PHLPP1: variants seen among roughly 807,000 people sequenced by gnomAD.
PHLPP1 encodes PH domain leucine-rich repeat-containing protein phosphatase 1.
PHLPP1 carries 42 observed loss-of-function variants against 117.2 expected under a neutral mutation model. That is an observed-to-expected ratio of 0.36 (90% CI 0.28 to 0.46). The LOEUF (loss-of-function observed/expected upper bound fraction) is 0.46. Among genes scored for constraint, PHLPP1 ranks in the 20% least tolerant of loss-of-function variants. PHLPP1 has a pLI of 1.00. For missense variants in PHLPP1, 2,084 were observed against 2,241.9 expected (o/e 0.93, Z 1.42); for synonymous variants, 1,042 against 970.7 (o/e 1.07, Z -1.37).
Position 62,912,314 on chromosome 18 carries a change from A to T in PHLPP1, c.2709-2599A>T, listed in dbSNP as rs948055411. 1.7e-3 allele frequency among the ~76,000 whole-genome samples: 208 copies of T among 122,326 alleles called. 1 individual carries two copies. Among genetic ancestry groups the T allele is most frequent in the African/African-American group, 4.6e-3 (170 of 36,730 alleles). 80.3% of individuals were successfully genotyped at this position (122,326 alleles called of 152,430 possible). On this transcript the variant is annotated intron_variant, in intron 8 of 16. Transcript: ENST00000262719. ...ACTTAGAGTATAATAAAAAAAAAAA[A>T]TTAAAAAAAAAATAATAAAAAACCT...
In PHLPP1 at chr18:62,849,832, A is replaced by ATATAT. The variant is rs747097979; in HGVS notation, c.1900-10603_1900-10602insTATAT. On this transcript the variant is annotated intron_variant, in intron 3 of 16. Transcript: ENST00000262719. ...AAAAAAAAAAAAAAAAAAAAAAAAA[A>ATATAT]ATATATATATCCTTTAAAGTTTAGT... 7.9e-3 allele frequency among the ~76,000 whole-genome samples: 260 copies of ATATAT among 33,070 alleles called. 37 individuals are homozygous for ATATAT. The highest frequency in any genetic ancestry group is 0.01 in the Non-Finnish European group (198 of 19,016). The allele number at this position is 33,070 out of a possible 152,430, so 21.7% of individuals were successfully genotyped here.
intron 1 of PHLPP1, among the ~76,000 whole-genome samples, chr18:62,723,686 G>A (rs1910987405): frequency 1.3e-5 from 2 of 152,102 alleles, no homozygotes; most frequent in Admixed American, 1.3e-4. Context: ...GGTGGGGGTT[G>A]GGTCAAAGTC....
chr18:62,721,625 A>G (rs1466542231), intron 1 of PHLPP1, among the ~76,000 whole-genome samples: 3 of 152,180 alleles, frequency 2.0e-5, no homozygotes, highest in Non-Finnish European at 2.9e-5. Flanking sequence ...TTCATGTTAT[A>G]TAGTGCTAGA....
chr18:62,929,443 GA>G (rs1909742936), intron 10 of PHLPP1, among the ~76,000 whole-genome samples: 1 of 152,142 alleles, frequency 6.6e-6, no homozygotes, highest in Non-Finnish European at 1.5e-5. Flanking sequence ...TACCATGCTG[GA>G]GAGTGAAGAC....
rs191382947 is a variant in PHLPP1 at position 62,742,759 on chromosome 18, A to G, written c.1576+25500A>G. Among the ~76,000 whole-genome samples, 39 of 152,092 alleles carry G rather than the reference A, an allele frequency of 2.6e-4. No homozygotes were observed. In the East Asian group the frequency reaches 5.2e-3, roughly 20 times the overall value. On this transcript the variant is annotated intron_variant, in intron 1 of 16. Transcript: ENST00000262719. ...TTTTAAAATTTTTATCGGAAGCTCT[A>G]TTTTACTCTGTTTCTGCCCCATCCC...
intron 14 of PHLPP1, among the ~76,000 whole-genome samples, chr18:62,965,620 G>A (rs1028871356): frequency 2.7e-5 from 4 of 150,922 alleles, no homozygotes; most frequent in African/African-American, 7.3e-5. Context: ...CACCATGCCC[G>A]ACTAATTTTT....
At chr18:62,871,875 C>A (rs371072879) in intron 4 of PHLPP1, among the ~76,000 whole-genome samples, 1 of 152,090 alleles carries the variant, frequency 6.6e-6, no homozygotes, top group Admixed American at 6.5e-5. Context: ...GAATTCCTCA[C>A]CTCAAGTGAT....
chr18:62,748,264 G>A (rs1212226391), intron 1 of PHLPP1, among the ~76,000 whole-genome samples: 3 of 145,124 alleles, frequency 2.1e-5, no homozygotes, highest in Non-Finnish European at 4.5e-5. Context: ...TTTTTTTTGA[G>A]ATGAGGGTAT....
chr18:62,894,255 G>C (rs1916497722), intron 4 of PHLPP1, among the ~76,000 whole-genome samples: 1 of 152,192 alleles, frequency 6.6e-6, no homozygotes, highest in South Asian at 2.1e-4. Context: ...CATTCCAGGA[G>C]TGCAATCTCA....
At chr18:62,750,852 C>T (rs531855090) in intron 1 of PHLPP1, among the ~76,000 whole-genome samples, 3 of 151,884 alleles carry the variant, frequency 2.0e-5, no homozygotes, top group South Asian at 4.2e-4. Context: ...TTGGGTGAAA[C>T]GCCTGGATGG....
chr18:62,739,752 G>A (rs1185842447), intron 1 of PHLPP1, among the ~76,000 whole-genome samples: 1 of 152,082 alleles, frequency 6.6e-6, no homozygotes, highest in African/African-American at 2.4e-5. Flanking sequence ...CTTTTAGGAA[G>A]GATGGATAAA....
At chr18:62,919,003 G>T (rs190965057) in intron 9 of PHLPP1, among the ~76,000 whole-genome samples, 39 of 152,224 alleles carry the variant, frequency 2.6e-4, no homozygotes, top group Admixed American at 3.9e-4. Context: ...AAAATTGTGG[G>T]CATTTGTGAG....
At chr18:62,771,217 A>G (rs543528085) in intron 1 of PHLPP1, among the ~76,000 whole-genome samples, 5 of 151,756 alleles carry the variant, frequency 3.3e-5, no homozygotes, top group Admixed American at 6.6e-5. Flanking sequence ...GTCTCAAAAA[A>G]AAAAAAAAAA....
intron 4 of PHLPP1, among the ~76,000 whole-genome samples, chr18:62,874,169 A>AACG (rs1446087183): frequency 6.7e-6 from 1 of 148,318 alleles, no homozygotes; most frequent in African/African-American, 2.5e-5. Flanking sequence ...GAGCAATCAG[A>AACG]ACGAAACTCT....
chr18:62,763,661 T>C (rs1430973850), intron 1 of PHLPP1, among the ~76,000 whole-genome samples: 1 of 152,206 alleles, frequency 6.6e-6, no homozygotes, highest in Non-Finnish European at 1.5e-5. Context: ...TCAGAGTCAG[T>C]CAGTCCATGG....
In PHLPP1 at chr18:62,958,621, T is replaced by G. The variant is rs760498670; in HGVS notation, c.3325-8T>G. 6.2e-7 allele frequency: 1 copy of G among 1,613,800 alleles called. No individual in the cohort carries two copies. Among genetic ancestry groups the G allele is most frequent in the South Asian group, 1.1e-5 (1 of 91,070 alleles). ...TCTCTTTCTTGTTTGCACTTGTTCTTTTTTCAGTGTGTGGACCTGAGCTGT... is the reference window on the plus strand; with the variant it reads ...TCTCTTTCTTGTTTGCACTTGTTCTGTTTTCAGTGTGTGGACCTGAGCTGT... On this transcript the variant is annotated splice_region_variant and splice_polypyrimidine_tract_variant and intron_variant, in intron 12 of 16. Coordinates refer to ENST00000262719, the MANE Select transcript of PHLPP1 (RefSeq NM_194449.4).
In PHLPP1 at chr18:62,898,662, A is replaced by AT. The variant is rs569315601; in HGVS notation, c.2444+2652dup. Among the ~76,000 whole-genome samples the AT allele has an allele frequency of 2.0e-4, 31 of 152,306 alleles. 1 individual carries two copies. The South Asian group carries it at 6.2e-3, about 31-fold the overall frequency. ...GTTAACTATTTGCTACTTTTCCACA[A>AT]TGAGATGTGTACAGAAGTTAAGACT... On this transcript the variant is annotated intron_variant, in intron 6 of 16. Coordinates refer to ENST00000262719, the MANE Select transcript of PHLPP1 (RefSeq NM_194449.4).
chr18:62,765,367 A>C (rs571456146), intron 1 of PHLPP1, among the ~76,000 whole-genome samples: 1 of 152,340 alleles, frequency 6.6e-6, no homozygotes, highest in East Asian at 1.9e-4. Flanking sequence ...GTGGTCTCCA[A>C]AGAGGGGCGC....
At chr18:62,939,600 G>A (rs747583694) in intron 10 of PHLPP1, among the ~76,000 whole-genome samples, 4 of 149,362 alleles carry the variant, frequency 2.7e-5, no homozygotes, top group African/African-American at 4.9e-5. Context: ...ATAATTTCCC[G>A]TGACTATTTA....
Sources: gnomAD v4.1 joint callset for allele counts (sites outside exome capture counted in the v4.1 genomes callset) on GRCh38, gnomAD v4.1.1 for gene constraint, MANE v1.5 for transcripts, NCBI Gene and HGNC (gene_info 2026-07-23, HGNC 2026-07-21) for gene names.